Variants in AGBL3 observed in about 807,000 individuals in gnomAD.
AGBL3 encodes the protein cytosolic carboxypeptidase 3.
AGBL3 carries 68 observed loss-of-function variants against 94.5 expected under a neutral mutation model. The observed-to-expected ratio is 0.72, with a 90% CI of 0.59 to 0.88. The LOEUF is 0.88. Among genes scored for constraint, AGBL3 ranks in the 40% least tolerant of loss-of-function variants. The pLI is 0.00. For synonymous variants in AGBL3, 354 were observed against 370.7 expected, an observed-to-expected ratio of 0.95 and a Z score of 0.52; for missense variants, 934 against 1,103.8, an observed-to-expected ratio of 0.85 and a Z score of 2.18.
At chr7:135,067,208 G>A (rs575277737) in intron 12 of AGBL3, among the ~76,000 whole-genome samples, 34 of 152,314 alleles carry the variant, frequency 2.2e-4, no homozygotes, top group East Asian at 1.5e-3. Context: ...CACCATTGCC[G>A]AGGCTTGAGT....
At chr7:135,129,613 C>T in intron 16 of AGBL3, 1 of 775,670 alleles carries the variant, frequency 1.3e-6, no homozygotes, top group Non-Finnish European at 2.4e-6. Context: ...TTCACTGATC[C>T]TGCTTCAACA....
At chr7:135,113,882 A>T (rs766674861) in intron 15 of AGBL3, among the ~76,000 whole-genome samples, 6 of 152,236 alleles carry the variant, frequency 3.9e-5, no homozygotes, top group Non-Finnish European at 8.8e-5. Flanking sequence ...CTAGTCAAAT[A>T]GAATTCTAGT....
chr7:135,033,654 G>A (rs4732082), intron 6 of AGBL3, among the ~76,000 whole-genome samples: 67,430 of 152,080 alleles, frequency 0.44, 15,583 homozygotes, highest in East Asian at 0.78. Flanking sequence ...AATAGTTATC[G>A]AATGCAGTTC....
chr7:135,092,444 T>G (rs767795653), intron 15 of AGBL3: 7 of 152,212 alleles, frequency 4.6e-5, no homozygotes, highest in Non-Finnish European at 1.0e-4. Flanking sequence ...TATTCAACCT[T>G]TGTTACATAA....
chr7:135,045,349 GA>G, intron 9 of AGBL3, 124 bp from the exon 10 acceptor site: 2 of 776,662 alleles, frequency 2.6e-6, no homozygotes, highest in East Asian at 2.7e-5. Flanking sequence ...CTGTCCTGAA[GA>G]AAAAAATCTA....
intron 2 of AGBL3, 154 bp downstream of exon 2, chr7:134,988,150 A>C: frequency 1.7e-6 from 1 of 596,670 alleles, no homozygotes; most frequent in Non-Finnish European, 2.9e-6. Context: ...GAAAAAGCTA[A>C]GCTATCACTG....
chr7:135,076,220 CTT>C (rs1351011773), intron 12 of AGBL3, among the ~76,000 whole-genome samples, 175 bp from the exon 13 acceptor site: 2 of 152,304 alleles, frequency 1.3e-5, no homozygotes, highest in Non-Finnish European at 2.9e-5. Flanking sequence ...CTGTCTTCTC[CTT>C]TCCATCTTTT....
intron 16 of AGBL3, among the ~76,000 whole-genome samples, chr7:135,128,152 TGTG>T (rs1483835838): frequency 2.0e-5 from 3 of 149,798 alleles, no homozygotes; most frequent in Non-Finnish European, 4.5e-5. Flanking sequence ...ATTAGCCAGG[TGTG>T]GTGGTGAGTG....
chr7:135,076,348 CTT>C (rs1585017682), intron 12 of AGBL3, 47 bp from the exon 13 acceptor site: 1 of 1,325,088 alleles, frequency 7.5e-7, no homozygotes, highest in Non-Finnish European at 1.1e-6. Context: ...CATATGTACT[CTT>C]TGATATGTTG....
chr7:135,041,075 T>C (rs10252364), intron 8 of AGBL3, among the ~76,000 whole-genome samples: 3,154 of 152,252 alleles, frequency 0.021, 122 homozygotes, highest in African/African-American at 0.071. Flanking sequence ...TAACAAAATG[T>C]ACAGATTCTA....
chr7:135,047,785 T>A (rs1217776381), intron 11 of AGBL3, among the ~76,000 whole-genome samples: 2 of 151,968 alleles, frequency 1.3e-5, no homozygotes, highest in Admixed American at 1.3e-4. Context: ...CCTTATTAGA[T>A]GTATAGTTTG....
intron 5 of AGBL3, among the ~76,000 whole-genome samples, chr7:135,031,225 T>C (rs952311527): frequency 2.6e-5 from 4 of 152,170 alleles, no homozygotes; most frequent in Non-Finnish European, 5.9e-5. Context: ...TTGTAAAAGA[T>C]ATGTTTTAGG....
intron 7 of AGBL3, 81 bp downstream of exon 7, chr7:135,035,009 T>G (rs1055262478): frequency 1.6e-5 from 20 of 1,234,152 alleles, no homozygotes; most frequent in Non-Finnish European, 2.2e-5. Context: ...CTCATTCATT[T>G]TACTGTAACT....
At chr7:135,129,689 C>CT (rs1562906326) in intron 16 of AGBL3, 1 of 774,156 alleles carries the variant, frequency 1.3e-6, no homozygotes, top group East Asian at 2.5e-5. Context: ...AGATTGAAGA[C>CT]TAGTTAACTA....
chr7:134,992,302 T>C (rs1810394952), intron 3 of AGBL3, among the ~76,000 whole-genome samples: 1 of 152,178 alleles, frequency 6.6e-6, no homozygotes, highest in Non-Finnish European at 1.5e-5. Flanking sequence ...CGGGGCTGAG[T>C]TCATTATTTA....
At chr7:134,987,416 C>A (rs1013526948) in intron 1 of AGBL3, among the ~76,000 whole-genome samples, 10 of 152,258 alleles carry the variant, frequency 6.6e-5, no homozygotes, top group Admixed American at 5.9e-4. Context: ...AATATTAGAA[C>A]AGACAGTATC....
chr7:135,115,269 C>T, intron 15 of AGBL3, 111 bp from the exon 16 acceptor site: 1 of 652,364 alleles, frequency 1.5e-6, no homozygotes, highest in Non-Finnish European at 2.6e-6. Flanking sequence ...AAAGTACAAG[C>T]TTCAGATGGG....
chr7:135,115,293 A>T, intron 15 of AGBL3, 87 bp from the exon 16 acceptor site: 3 of 852,116 alleles, frequency 3.5e-6, no homozygotes, highest in Non-Finnish European at 5.4e-6. Flanking sequence ...GGAATTTTAG[A>T]TAAAATCCTT....
chr7:135,123,189 G>A (rs1827384773), intron 16 of AGBL3, among the ~76,000 whole-genome samples: 1 of 152,182 alleles, frequency 6.6e-6, no homozygotes, highest in Non-Finnish European at 1.5e-5. Context: ...AACCAGTTTA[G>A]AGAGGAACAT....
Sources: gnomAD v4.1 joint callset for allele counts (sites outside exome capture counted in the v4.1 genomes callset) on GRCh38, gnomAD v4.1.1 for gene constraint, MANE v1.5 for transcripts, NCBI Gene and HGNC (gene_info 2026-07-23, HGNC 2026-07-21) for gene names.